PHKA2: variants seen among roughly 807,000 people sequenced by gnomAD.
The protein encoded by PHKA2 is phosphorylase b kinase regulatory subunit alpha, liver isoform.
PHKA2 carries 31 observed loss-of-function variants against 102.0 expected under a neutral mutation model. That is an observed-to-expected ratio of 0.30 (90% CI 0.23 to 0.41). The LOEUF (loss-of-function observed/expected upper bound fraction) is 0.41. PHKA2 is among the 10% of genes least tolerant of loss of function. The pLI, the probability that PHKA2 is intolerant of heterozygous loss-of-function variation, is 1.00. For synonymous variants in PHKA2, 455 were observed against 416.2 expected (o/e 1.09, Z -1.13); for missense variants, 858 against 1,023.1 (o/e 0.84, Z 2.20).
Position 18,941,608 on chromosome X carries a change from A to C in PHKA2, c.785T>G (p.Ile262Ser), listed in dbSNP as rs145406549. Residue 262 changes from isoleucine to serine, a missense_variant, in exon 8 of 33, where the codon ATT becomes AGT. This residue lies in a region of PHKA2 where 187 missense variants were observed against 277.9 expected (regional missense o/e 0.67). Transcript: ENST00000379942. ...CACTGCAAAGGCCGGGAAGGAAATAATGGAAAGAAGTCCAGCATCAATTTC... is the reference window on the plus strand; with the variant it reads ...CACTGCAAAGGCCGGGAAGGAAATACTGGAAAGAAGTCCAGCATCAATTTC... ...SKEIDAGLLSIISFPAFAVED... is the reference protein window; with the variant it reads ...SKEIDAGLLSSISFPAFAVED... The C allele has an allele frequency of 3.7e-4, 432 of 1,172,813 alleles. No individual in the cohort carries two copies. Among genetic ancestry groups the C allele is most frequent in the Admixed American group, 1.2e-3 (56 of 45,866 alleles).
intron 4 of PHKA2, 52 bp from the exon 5 acceptor site, chrX:18,948,878 G>T: frequency 1.2e-6 from 1 of 800,239 alleles, no homozygotes; most frequent in Non-Finnish European, 1.9e-6. Flanking sequence ...AGAGCTGCCA[G>T]TCACAAATTA....
At chrX:18,952,329 C>CAAAAA (rs1198542984) in intron 3 of PHKA2, among the ~76,000 whole-genome samples, 165 bp downstream of exon 3, 22 of 35,328 alleles carry the variant, frequency 6.2e-4, no homozygotes, top group Non-Finnish European at 1.1e-3. Context: ...GACCCTGTCT[C>CAAAAA]AAAAAAAAAA....
intron 17 of PHKA2, among the ~76,000 whole-genome samples, chrX:18,920,617 T>C (rs1298521733): frequency 8.9e-6 from 1 of 111,774 alleles, no homozygotes; most frequent in Admixed American, 9.5e-5. Flanking sequence ...TATTTATGAG[T>C]CCCTACCACG....
At chrX:18,913,131 T>C (rs1337577695) in intron 19 of PHKA2, among the ~76,000 whole-genome samples, 1 of 109,357 alleles carries the variant, frequency 9.1e-6, no homozygotes, top group Non-Finnish European at 1.9e-5. Flanking sequence ...GGTTCACCTC[T>C]ATAGGGCCCT....
chrX:18,906,647 T>C, intron 24 of PHKA2, 23 bp from the exon 25 acceptor site: 1 of 1,197,559 alleles, frequency 8.4e-7, no homozygotes, highest in Non-Finnish European at 1.1e-6. Context: ...CACACGGAGA[T>C]AGGGTTTCAG....
chrX:18,906,699 A>C, intron 24 of PHKA2, 37 bp downstream of exon 24: 1 of 1,189,698 alleles, frequency 8.4e-7, no homozygotes, highest in Non-Finnish European at 1.1e-6. Context: ...ACTCTGAGGA[A>C]GGCTGTGGCC....
intron 1 of PHKA2, among the ~76,000 whole-genome samples, chrX:18,955,373 A>AGTTTT (rs1569328882): frequency 2.1e-5 from 2 of 94,119 alleles, no homozygotes; most frequent in Non-Finnish European, 3.9e-5. Context: ...GGCTGCTAGT[A>AGTTTT]GTTTTTTTTT....
intron 1 of PHKA2, among the ~76,000 whole-genome samples, chrX:18,981,261 C>T (rs765564389): frequency 5.4e-5 from 6 of 111,021 alleles, no homozygotes; most frequent in African/African-American, 2.0e-4. Context: ...TGGCATTTCC[C>T]GGCAGAACTG....
At chrX:18,915,988 G>GT (rs1483929168) in intron 19 of PHKA2, among the ~76,000 whole-genome samples, 1 of 112,237 alleles carries the variant, frequency 8.9e-6, no homozygotes, top group African/African-American at 3.2e-5. Flanking sequence ...GAAAGGCCCA[G>GT]TGTGTATCCA....
intron 1 of PHKA2, among the ~76,000 whole-genome samples, chrX:18,963,833 C>A (rs1408448933): frequency 8.9e-6 from 1 of 111,840 alleles, no homozygotes; most frequent in Non-Finnish European, 1.9e-5. Flanking sequence ...TTGTCATCTA[C>A]CCACCAGAAA....
intron 10 of PHKA2, among the ~76,000 whole-genome samples, 191 bp from the exon 11 acceptor site, chrX:18,936,341 G>A (rs888060580): frequency 8.0e-5 from 9 of 111,848 alleles, no homozygotes; most frequent in African/African-American, 2.9e-4. Flanking sequence ...AGCTAAACAC[G>A]ATCGGCTATT....
At chrX:18,911,131 G>A (rs367663688) in intron 19 of PHKA2, among the ~76,000 whole-genome samples, 171 bp from the exon 20 acceptor site, 1 of 107,050 alleles carries the variant, frequency 9.3e-6, no homozygotes, top group African/African-American at 3.4e-5. Context: ...TCAGCCTCCC[G>A]AGTAGCTGGG....
intron 4 of PHKA2, among the ~76,000 whole-genome samples, chrX:18,950,105 C>T (rs374216591): frequency 2.7e-5 from 3 of 111,658 alleles, no homozygotes; most frequent in East Asian, 2.8e-4. Flanking sequence ...AGAGGCCTGG[C>T]GTCCAGGCTG....
chrX:18,968,002 C>A (rs990195491), intron 1 of PHKA2, among the ~76,000 whole-genome samples: 2 of 111,485 alleles, frequency 1.8e-5, no homozygotes, highest in Non-Finnish European at 1.9e-5. Context: ...GAAATTAAAA[C>A]TGAAAAATTT....
intron 18 of PHKA2, 86 bp from the exon 19 acceptor site, chrX:18,918,940 G>A: frequency 1.3e-6 from 1 of 796,459 alleles, no homozygotes; most frequent in Non-Finnish European, 1.9e-6. Context: ...GTAGCAAGCA[G>A]CACTGAGTAG....
Position 18,983,943 on chromosome X carries a change from C to A in PHKA2, c.-11G>T. Reference sequence around the variant, plus strand: ...GCTCCTGCTCCGCATCTCCCCGAGGCTCCCAGGCCGCAGCGCCCGATCTGC... The same window carrying A: ...GCTCCTGCTCCGCATCTCCCCGAGGATCCCAGGCCGCAGCGCCCGATCTGC... On this transcript the variant is annotated 5_prime_UTR_variant, in exon 1 of 33. Coordinates refer to ENST00000379942, the MANE Select transcript of PHKA2 (RefSeq NM_000292.3). 2 of 1,202,819 alleles carry A rather than the reference C, an allele frequency of 1.7e-6. No individual in the cohort carries two copies. Among genetic ancestry groups the A allele is most frequent in the South Asian group, 3.5e-5 (2 of 56,828 alleles).
At chrX:18,963,326 G>A (rs761984309) in intron 1 of PHKA2, among the ~76,000 whole-genome samples, 3 of 112,060 alleles carry the variant, frequency 2.7e-5, no homozygotes, top group Non-Finnish European at 5.6e-5. Flanking sequence ...CAGGACTTTC[G>A]CTGGAGCCAC....
In PHKA2 at chrX:18,968,750, TAAGTATCAGGAAGCTTTAAGTC is replaced by T. The variant is rs1367839497; in HGVS notation, c.79-14360_79-14339del. Among the ~76,000 whole-genome samples the T allele has an allele frequency of 2.7e-5, 3 of 112,615 alleles. No individual in the cohort carries two copies. The Admixed American group carries it at 2.8e-4, about 11-fold the overall frequency. Reference sequence around the variant, plus strand: ...CACCAATCTCATCAGAAAAGTTTTTTAAGTATCAGGAAGCTTTAAGTCAAGTATTAGGAGCTTTAAGTCAAGC... The same window carrying T: ...CACCAATCTCATCAGAAAAGTTTTTTAAGTATTAGGAGCTTTAAGTCAAGC... On this transcript the variant is annotated intron_variant, in intron 1 of 32. Transcript: ENST00000379942.
Position 18,906,368 on chromosome X carries a change from G to C in PHKA2, c.2806+127C>G, listed in dbSNP as rs1248149939. ...TAAATGAGAGAAGCTGGTAAGGCCT[G>C]AGCTTGCCACAGGCTTGGATGCTGG... On this transcript the variant is annotated intron_variant, in intron 25 of 32. Coordinates refer to ENST00000379942, the MANE Select transcript of PHKA2 (RefSeq NM_000292.3). The C allele has an allele frequency of 3.0e-5, 26 of 852,484 alleles. No homozygotes were observed. The East Asian group carries it at 7.5e-4, about 25-fold the overall frequency. The allele number at this position is 852,484 out of a possible 1,213,427, so 70.3% of individuals were successfully genotyped here.
Sources: gnomAD v4.1 joint callset for allele counts (sites outside exome capture counted in the v4.1 genomes callset) on GRCh38, gnomAD v4.1.1 for gene constraint, gnomAD v4.1.1 regional missense constraint, MANE v1.5 for transcripts, NCBI Gene and HGNC (gene_info 2026-07-23, HGNC 2026-07-21) for gene names.